Variants in COMMD10 observed in about 807,000 individuals in gnomAD.
COMMD10 encodes the protein COMM domain-containing protein 10.
A neutral mutation model predicts 28.9 loss-of-function variants in COMMD10; 33 were observed. The ratio of observed to expected loss-of-function variants is 1.14; its 90% CI spans 0.87 to 1.53. The LOEUF is 1.53. COMMD10 is among the 40% of genes most tolerant of loss of function. The probability of loss-of-function intolerance (pLI) is 0.00; values close to 1 mark genes in which losing one functional copy is unlikely to be tolerated. For synonymous variants in COMMD10, 110 were observed against 81.7 expected, an observed-to-expected ratio of 1.35 and a Z score of -1.87; for missense variants, 310 against 233.4, an observed-to-expected ratio of 1.33 and a Z score of -2.14.
rs1455663833 is a variant in COMMD10 at position 116,139,309 on chromosome 5, A to G, written c.510+5131A>G. Among the ~76,000 whole-genome samples the G allele has an allele frequency of 3.9e-5, 6 of 151,910 alleles. No individual in the cohort carries two copies. The East Asian group carries it at 9.7e-4, about 25-fold the overall frequency. On this transcript the variant is annotated intron_variant, in intron 5 of 6. Coordinates refer to ENST00000274458, the MANE Select transcript of COMMD10 (RefSeq NM_016144.4). ...TTATGTAGTAAGTAAAGTATAAATG[A>G]TGTCAGTTCAACAGAGGCTGCCTTT... is the stretch of plus-strand genomic sequence containing the variant.
Position 116,292,479 on chromosome 5 carries a change from C to T in COMMD10, c.599C>T (p.Ser200Phe). ...KLETIQAQLD[S>F]LT ...GAGACTATACAAGCACAGCTGGATTCCCTTACATGATGTTTTCGAAGACTG... is the reference window on the plus strand; with the variant it reads ...GAGACTATACAAGCACAGCTGGATTTCCTTACATGATGTTTTCGAAGACTG... The change falls in exon 7 of 7, where the codon TCC (serine) becomes TTC (phenylalanine). Residue 200 changes from serine to phenylalanine, a missense_variant. Transcript: ENST00000274458. 1.3e-6 allele frequency: 2 copies of T among 1,570,028 alleles called. No individual in the cohort carries two copies. Among genetic ancestry groups the T allele is most frequent in the Non-Finnish European group, 1.7e-6 (2 of 1,157,604 alleles).
intron 5 of COMMD10, among the ~76,000 whole-genome samples, chr5:116,167,519 G>A (rs951008659): frequency 1.3e-5 from 2 of 152,252 alleles, no homozygotes; most frequent in African/African-American, 4.8e-5. Context: ...TCCTCGAGAA[G>A]AGCAACCCCA....
chr5:116,158,692 TA>T (rs1352760622), intron 5 of COMMD10, among the ~76,000 whole-genome samples: 19 of 152,168 alleles, frequency 1.2e-4, no homozygotes, highest in African/African-American at 4.6e-4. Context: ...TAAGTGTTTT[TA>T]CTTAATCCTT....
chr5:116,123,936 T>TA (rs1019587295), intron 4 of COMMD10, among the ~76,000 whole-genome samples: 7 of 151,604 alleles, frequency 4.6e-5, no homozygotes, highest in South Asian at 2.1e-4. Flanking sequence ...CATTTTTTTT[T>TA]ATCTATTTGA....
intron 5 of COMMD10, among the ~76,000 whole-genome samples, chr5:116,279,008 C>G (rs1217191553): frequency 2.6e-5 from 4 of 151,720 alleles, no homozygotes; most frequent in African/African-American, 9.7e-5. Flanking sequence ...GGAAAAATGA[C>G]TTGATGTCAA....
chr5:116,198,555 T>C (rs1748586941), intron 5 of COMMD10, among the ~76,000 whole-genome samples: 1 of 152,134 alleles, frequency 6.6e-6, no homozygotes, highest in African/African-American at 2.4e-5. Context: ...AATATTAGGG[T>C]TCACTTTTGG....
At position 116,292,610 on chromosome 5, in the gene COMMD10, C is replaced by T; in HGVS notation, c.*121C>T. 2 of 647,938 alleles carry T rather than the reference C, an allele frequency of 3.1e-6. No individual in the cohort carries two copies. Among genetic ancestry groups the T allele is most frequent in the Non-Finnish European group, 5.1e-6 (2 of 390,296 alleles). The allele number at this position is 647,938 out of a possible 1,614,324, so 40.1% of individuals were successfully genotyped here. A position where few individuals can be genotyped will look rare whatever the true frequency, so the allele number is the denominator to read the frequency against. On this transcript the variant is annotated 3_prime_UTR_variant, in exon 7 of 7. Transcript: ENST00000274458. The stretch of plus-strand genomic sequence containing the variant: ...GACTTGCTTTCTGTAAATTATATGG[C>T]TTATCACTTCTTAGACAAATAACAA...
chr5:116,221,561 G>T lies in COMMD10; in HGVS notation c.511-69956G>T, dbSNP rs1343163072. Among the ~76,000 whole-genome samples the T allele has an allele frequency of 2.0e-5, 3 of 152,160 alleles. 1 individual carries two copies. Among genetic ancestry groups the T allele is most frequent in the African/African-American group, 7.2e-5 (3 of 41,436 alleles). On this transcript the variant is annotated intron_variant, in intron 5 of 6. Coordinates refer to ENST00000274458, the MANE Select transcript of COMMD10 (RefSeq NM_016144.4). ...AGTTACAGAACCCTGGTGAGAGCCT[G>T]TGTTTTCAAGATCTCTTAGAAATGC...
At chr5:116,111,749 A>G (rs892691271) in intron 4 of COMMD10, among the ~76,000 whole-genome samples, 1 of 152,166 alleles carries the variant, frequency 6.6e-6, no homozygotes, top group Admixed American at 6.6e-5. Flanking sequence ...TTTATTCTGC[A>G]GTTGTTGGAT....
chr5:116,260,967 T>C (rs1156263940), intron 5 of COMMD10, among the ~76,000 whole-genome samples: 1 of 151,740 alleles, frequency 6.6e-6, no homozygotes, highest in Non-Finnish European at 1.5e-5. Flanking sequence ...TACTAACAGA[T>C]CTGTGCGATT....
chr5:116,123,600 G>A (rs911510937), intron 4 of COMMD10, among the ~76,000 whole-genome samples: 1 of 152,156 alleles, frequency 6.6e-6, no homozygotes, highest in African/African-American at 2.4e-5. Flanking sequence ...AGTTAGGGAG[G>A]ATTCCCTCTT....
At chr5:116,182,249 G>A (rs1436238568) in intron 5 of COMMD10, among the ~76,000 whole-genome samples, 1 of 152,086 alleles carries the variant, frequency 6.6e-6, no homozygotes, top group Non-Finnish European at 1.5e-5. Flanking sequence ...TCTAAGAACT[G>A]ATAGTAGTTT....
chr5:116,248,112 G>A (rs1468035661), intron 5 of COMMD10, among the ~76,000 whole-genome samples: 1 of 149,200 alleles, frequency 6.7e-6, no homozygotes, highest in African/African-American at 2.5e-5. Flanking sequence ...ACTGCTGTGA[G>A]TAGAAAATAT....
intron 6 of COMMD10, 52 bp from the exon 7 acceptor site, chr5:116,292,399 G>A: frequency 7.9e-7 from 1 of 1,263,020 alleles, no homozygotes; most frequent in Admixed American, 2.4e-5. Context: ...CACTTGATAT[G>A]AGTTTCGTTC....
intron 5 of COMMD10, among the ~76,000 whole-genome samples, chr5:116,169,216 A>G (rs1580514082): frequency 2.0e-5 from 3 of 152,284 alleles, no homozygotes; most frequent in African/African-American, 7.2e-5. Context: ...AATACTATAA[A>G]CACCTCTATA....
intron 4 of COMMD10, among the ~76,000 whole-genome samples, chr5:116,093,808 G>A (rs1415639289): frequency 6.6e-6 from 1 of 152,150 alleles, no homozygotes; most frequent in African/African-American, 2.4e-5. Context: ...AAACAGCATG[G>A]TGTTGGTAGA....
intron 3 of COMMD10, among the ~76,000 whole-genome samples, chr5:116,092,012 A>G (rs1213358012): frequency 6.6e-6 from 1 of 152,230 alleles, no homozygotes; most frequent in Non-Finnish European, 1.5e-5. Flanking sequence ...GTAGAAGAAA[A>G]GGATCATTGA....
chr5:116,270,417 G>T (rs1313926629), intron 5 of COMMD10, among the ~76,000 whole-genome samples: 1 of 151,878 alleles, frequency 6.6e-6, no homozygotes, highest in African/African-American at 2.4e-5. Context: ...AGTTGGTTGT[G>T]GAGAAGATAT....
In COMMD10 at chr5:116,230,691, C is replaced by G. The variant is rs73259054; in HGVS notation, c.511-60826C>G. ...AAAGAAAAGATTGAAGGAAAGCAGT[C>G]TCCTCTTTTACCAGCCCCCACCTCA... On this transcript the variant is annotated intron_variant, in intron 5 of 6. Transcript: ENST00000274458. Among the ~76,000 whole-genome samples the G allele has an allele frequency of 8.1e-3, 1,233 of 152,110 alleles. 22 individuals carry two copies. Among genetic ancestry groups the G allele is most frequent in the African/African-American group, 0.028 (1,146 of 41,492 alleles).
Sources: gnomAD v4.1 joint callset for allele counts (sites outside exome capture counted in the v4.1 genomes callset) on GRCh38, gnomAD v4.1.1 for gene constraint, MANE v1.5 for transcripts, NCBI Gene and HGNC (gene_info 2026-07-23, HGNC 2026-07-21) for gene names.